The following MAP4K4 variants were observed in gnomAD, a reference collection of about 807,000 sequenced individuals.
The protein encoded by MAP4K4 is mitogen-activated protein kinase kinase kinase kinase 4, also known as HPK/GCK-like kinase HGK.
Under a neutral mutation model 189.6 loss-of-function variants are expected in MAP4K4, and 38 were observed. The observed-to-expected ratio is 0.20, with a 90% CI of 0.15 to 0.26. The LOEUF (loss-of-function observed/expected upper bound fraction) is 0.26, where lower values mean the gene tolerates loss of function less well. Among genes scored for constraint, MAP4K4 ranks in the 10% least tolerant of loss-of-function variants. The pLI, the probability that MAP4K4 is intolerant of heterozygous loss-of-function variation, is 1.00. For missense variants in MAP4K4, 1,054 were observed against 1,726.9 expected (o/e 0.61, Z 6.91); for synonymous variants, 610 against 624.3 (o/e 0.98, Z 0.34).
chr2:101,761,184 A>G (rs559518479), intron 2 of MAP4K4, among the ~76,000 whole-genome samples: 14 of 152,384 alleles, frequency 9.2e-5, no homozygotes, highest in East Asian at 3.9e-4. Flanking sequence ...AAGTTGCTAT[A>G]GAAGTTAAAG....
At chr2:101,731,233 C>T (rs989438390) in intron 2 of MAP4K4, among the ~76,000 whole-genome samples, 4 of 151,742 alleles carry the variant, frequency 2.6e-5, no homozygotes, top group Non-Finnish European at 4.4e-5. Context: ...TCTATTGCCT[C>T]AACCTTCCGA....
intron 2 of MAP4K4, among the ~76,000 whole-genome samples, chr2:101,704,944 T>C (rs969937326): frequency 7.2e-5 from 11 of 152,156 alleles, no homozygotes; most frequent in Admixed American, 3.3e-4. Flanking sequence ...GAATTTGTTC[T>C]TTTGTTATGG....
At chr2:101,740,470 A>T (rs2149754060) in intron 2 of MAP4K4, among the ~76,000 whole-genome samples, 1 of 152,144 alleles carries the variant, frequency 6.6e-6, no homozygotes, top group East Asian at 1.9e-4. Context: ...TATCATCTTG[A>T]TATTTTCCCC....
intron 2 of MAP4K4, among the ~76,000 whole-genome samples, chr2:101,741,334 A>AT (rs1275680063): frequency 7.9e-5 from 12 of 151,420 alleles, no homozygotes; most frequent in African/African-American, 2.9e-4. Context: ...TGCCTGGCTA[A>AT]TTTTTTTGTA....
chr2:101,790,667 G>T, intron 2 of MAP4K4, 53 bp from the exon 3 acceptor site: 3 of 1,323,620 alleles, frequency 2.3e-6, no homozygotes, highest in Non-Finnish European at 3.2e-6. Context: ...TTGTTCTAAT[G>T]ATTGTGCAAA....
intron 2 of MAP4K4, among the ~76,000 whole-genome samples, chr2:101,784,016 GA>G (rs2089243821): frequency 6.6e-6 from 1 of 152,156 alleles, no homozygotes; most frequent in South Asian, 2.1e-4. Context: ...ATTTGGAAAG[GA>G]TTGTTTGCAG....
At chr2:101,863,123 A>AAT (rs1450081696) in intron 16 of MAP4K4, among the ~76,000 whole-genome samples, 6 of 152,220 alleles carry the variant, frequency 3.9e-5, no homozygotes, top group Non-Finnish European at 7.3e-5. Flanking sequence ...ATACCCCAAC[A>AAT]ATAGTCAATT....
At chr2:101,773,516 G>A (rs1006070190) in intron 2 of MAP4K4, among the ~76,000 whole-genome samples, 4 of 152,172 alleles carry the variant, frequency 2.6e-5, no homozygotes, top group African/African-American at 9.7e-5. Context: ...TTCTGATACA[G>A]GCATGCAATG....
At chr2:101,872,838 C>A (rs1268120288) in intron 24 of MAP4K4, among the ~76,000 whole-genome samples, 8 of 152,188 alleles carry the variant, frequency 5.3e-5, no homozygotes, top group Admixed American at 5.2e-4. Flanking sequence ...GTATATATCC[C>A]ACCTACACTC....
chr2:101,829,047 A>G (rs1303970651), intron 5 of MAP4K4, among the ~76,000 whole-genome samples: 7 of 152,190 alleles, frequency 4.6e-5, no homozygotes, highest in Non-Finnish European at 7.4e-5. Flanking sequence ...GTCACTGTGC[A>G]GTGGGAAGGC....
chr2:101,892,217 A>T (rs1298501819), exon 33 of MAP4K4: 1 of 152,216 alleles, frequency 6.6e-6, no homozygotes. Flanking sequence ...TGCCTACCTC[A>T]TTGTTCTTAA....
intron 2 of MAP4K4, among the ~76,000 whole-genome samples, chr2:101,785,658 TCTTC>T (rs1212486238): frequency 0.12 from 6,871 of 56,402 alleles, 1,010 homozygotes; most frequent in East Asian, 0.24. Flanking sequence ...ATTGCCATCT[TCTTC>T]TTTCTTTCTT....
chr2:101,749,993 T>C (rs1318190372), intron 2 of MAP4K4, among the ~76,000 whole-genome samples: 5 of 144,038 alleles, frequency 3.5e-5, no homozygotes, highest in Non-Finnish European at 7.5e-5. Flanking sequence ...TGGCAATCAT[T>C]AAAAAGTCTG....
chr2:101,828,143 C>G (rs1576356031), intron 5 of MAP4K4, among the ~76,000 whole-genome samples: 1 of 152,210 alleles, frequency 6.6e-6, no homozygotes, highest in East Asian at 1.9e-4. Flanking sequence ...GGCATTGTTC[C>G]ATACATTTAC....
intron 2 of MAP4K4, among the ~76,000 whole-genome samples, chr2:101,740,967 T>TACTCTCATTGTACAC (rs1312567941): frequency 6.6e-6 from 1 of 152,152 alleles, no homozygotes; most frequent in Non-Finnish European, 1.5e-5. Context: ...CATTAGTTGT[T>TACTCTCATTGTACAC]ACTCTCATTG....
chr2:101,867,743 T>A (rs4851503), intron 20 of MAP4K4: 19,000 of 439,416 alleles, frequency 0.043, 2,180 homozygotes, highest in African/African-American at 0.29. Context: ...ACTAAGTTTT[T>A]AAAAATCACC....
chr2:101,879,259 G>T (rs1320350316), intron 27 of MAP4K4, among the ~76,000 whole-genome samples: 3 of 142,932 alleles, frequency 2.1e-5, no homozygotes, highest in African/African-American at 7.7e-5. Flanking sequence ...ATCATTTTTT[G>T]GTCTACTTTT....
chr2:101,775,281 C>T (rs1029999545), intron 2 of MAP4K4, among the ~76,000 whole-genome samples: 2 of 151,702 alleles, frequency 1.3e-5, no homozygotes, highest in Admixed American at 6.6e-5. Context: ...TTATCCATCA[C>T]AGAGGCTGTT....
At chr2:101,817,613 G>C (rs2095803054) in intron 3 of MAP4K4, among the ~76,000 whole-genome samples, 1 of 152,246 alleles carries the variant, frequency 6.6e-6, no homozygotes, top group Non-Finnish European at 1.5e-5. Flanking sequence ...CTTTGTAGAA[G>C]ATGGAGGGGA....
Sources: gnomAD v4.1 joint callset for allele counts (sites outside exome capture counted in the v4.1 genomes callset) on GRCh38, gnomAD v4.1.1 for gene constraint, MANE v1.5 for transcripts, NCBI Gene and HGNC (gene_info 2026-07-23, HGNC 2026-07-21) for gene names.